STAU2: variants seen among roughly 807,000 people sequenced by gnomAD.
STAU2 encodes the protein staufen double-stranded RNA binding protein 2.
Under a neutral mutation model 65.9 loss-of-function variants are expected in STAU2, and 20 were observed. The observed-to-expected ratio is 0.30, with a 90% confidence interval of 0.21 to 0.44. STAU2 has a LOEUF of 0.44. Among genes scored for constraint, STAU2 ranks in the 20% least tolerant of loss-of-function variants. The pLI, the probability that STAU2 is intolerant of heterozygous loss-of-function variation, is 1.00. For missense variants in STAU2, 558 were observed against 683.9 expected (o/e 0.82, Z 2.05); for synonymous variants, 232 against 233.9 (o/e 0.99, Z 0.07).
At chr8:73,693,911 G>A (rs1054444293) in intron 4 of STAU2, among the ~76,000 whole-genome samples, 3 of 152,198 alleles carry the variant, frequency 2.0e-5, no homozygotes, top group Admixed American at 6.5e-5. Flanking sequence ...GAAAGTCAGA[G>A]ATTGTCAAAC....
At position 73,663,225 on chromosome 8, in the gene STAU2, G is replaced by A. The variant is rs186785334; in HGVS notation, c.410+9882C>T. Among the ~76,000 whole-genome samples, 478 of 152,286 alleles carry A rather than the reference G, an allele frequency of 3.1e-3. 2 individuals are homozygous for A. Among genetic ancestry groups the A allele is most frequent in the African/African-American group, 0.011 (450 of 41,554 alleles). On this transcript the variant is annotated intron_variant, in intron 6 of 14. Coordinates refer to ENST00000524300, the MANE Select transcript of STAU2 (RefSeq NM_001164380.2). ...AACACATAAGCAAGTGACTGTGGCTGTGTTCCAATGACACTTTACTGACAC... is the reference window on the plus strand; with the variant it reads ...AACACATAAGCAAGTGACTGTGGCTATGTTCCAATGACACTTTACTGACAC...
intron 13 of STAU2, among the ~76,000 whole-genome samples, chr8:73,507,033 T>TA (rs1253420746): frequency 6.6e-6 from 1 of 152,166 alleles, no homozygotes; most frequent in Non-Finnish European, 1.5e-5. Flanking sequence ...CACCAGTAGT[T>TA]ACTTCCCTCA....
chr8:73,639,786 G>GA (rs899123756), intron 6 of STAU2, among the ~76,000 whole-genome samples: 103 of 151,914 alleles, frequency 6.8e-4, no homozygotes, highest in Non-Finnish European at 3.5e-4. Flanking sequence ...ATTTGCAAAA[G>GA]AAAAAATTCA....
intron 5 of STAU2, among the ~76,000 whole-genome samples, chr8:73,684,168 T>C (rs1380963987): frequency 6.6e-6 from 1 of 152,014 alleles, no homozygotes; most frequent in Non-Finnish European, 1.5e-5. Context: ...CTAAGCATAA[T>C]GAGCAAATCT....
At chr8:73,479,985 G>T (rs1434427317) in intron 13 of STAU2, among the ~76,000 whole-genome samples, 1 of 151,948 alleles carries the variant, frequency 6.6e-6, no homozygotes, top group East Asian at 1.9e-4. Context: ...TCATCTAGAT[G>T]ACACCATCTA....
At position 73,658,934 on chromosome 8, in the gene STAU2, C is replaced by A. The variant is rs369500333; in HGVS notation, c.410+14173G>T. Reference sequence around the variant, plus strand: ...TCTCAAAAAACAACAACAACAACAACAAAAACAACAAAAAAAAAAAACCAA... The same window carrying A: ...TCTCAAAAAACAACAACAACAACAAAAAAAACAACAAAAAAAAAAAACCAA... On this transcript the variant is annotated intron_variant, in intron 6 of 14. Transcript: ENST00000524300. Among the ~76,000 whole-genome samples, 9 of 96,728 alleles carry A rather than the reference C, an allele frequency of 9.3e-5. 1 individual carries two copies. The highest frequency in any genetic ancestry group is 1.9e-4 in the Non-Finnish European group (7 of 37,016). The allele number at this position is 96,728 out of a possible 152,430, so 63.5% of individuals were successfully genotyped here. A position where few individuals can be genotyped will look rare whatever the true frequency, so the allele number is the denominator to read the frequency against.
intron 13 of STAU2, among the ~76,000 whole-genome samples, chr8:73,467,480 C>G (rs1018772677): frequency 1.3e-5 from 2 of 152,008 alleles, no homozygotes; most frequent in African/African-American, 2.4e-5. Context: ...TGCAGTGAGC[C>G]GAGATCGCGC....
At chr8:73,503,228 A>C (rs1432957207) in intron 13 of STAU2, among the ~76,000 whole-genome samples, 2 of 152,124 alleles carry the variant, frequency 1.3e-5, no homozygotes, top group Non-Finnish European at 1.5e-5. Context: ...TTTGGCATAA[A>C]ACATAAATGA....
intron 4 of STAU2, among the ~76,000 whole-genome samples, chr8:73,698,709 G>A (rs1819857890): frequency 6.6e-6 from 1 of 151,890 alleles, no homozygotes; most frequent in African/African-American, 2.4e-5. Flanking sequence ...ATAACAGCTG[G>A]AGACTTCAAC....
chr8:73,518,627 G>A (rs1402553999), intron 13 of STAU2, among the ~76,000 whole-genome samples: 6 of 152,128 alleles, frequency 3.9e-5, no homozygotes, highest in Non-Finnish European at 8.8e-5. Context: ...ATTTCAAAAT[G>A]TAAAAGCCAT....
At chr8:73,741,369 T>C (rs1233408979) in intron 1 of STAU2, among the ~76,000 whole-genome samples, 1 of 152,066 alleles carries the variant, frequency 6.6e-6, no homozygotes, top group African/African-American at 2.4e-5. Context: ...TTGTCTTTAT[T>C]AGTATACGTT....
chr8:73,698,278 A>T (rs575830864), intron 4 of STAU2, among the ~76,000 whole-genome samples: 1 of 152,142 alleles, frequency 6.6e-6, no homozygotes, highest in Non-Finnish European at 1.5e-5. Context: ...CAGAAAACAA[A>T]TAACAAAATG....
chr8:73,470,802 T>A (rs957319132), intron 13 of STAU2, among the ~76,000 whole-genome samples: 1 of 138,062 alleles, frequency 7.2e-6, no homozygotes, highest in African/African-American at 2.8e-5. Flanking sequence ...AGATCCTGCC[T>A]CTAAAAAAAA....
At chr8:73,693,789 G>A (rs1206183613) in intron 4 of STAU2, among the ~76,000 whole-genome samples, 1 of 152,222 alleles carries the variant, frequency 6.6e-6, no homozygotes. Flanking sequence ...ACACTGGGAA[G>A]TTAATTATTC....
chr8:73,626,303 C>G (rs1231026412), intron 6 of STAU2, among the ~76,000 whole-genome samples: 1 of 152,184 alleles, frequency 6.6e-6, no homozygotes, highest in African/African-American at 2.4e-5. Flanking sequence ...GCAGAAATAA[C>G]ATGTTGGTTG....
chr8:73,490,983 A>G (rs1821127694), intron 13 of STAU2, among the ~76,000 whole-genome samples: 1 of 152,128 alleles, frequency 6.6e-6, no homozygotes, highest in Admixed American at 6.6e-5. Context: ...CTGAAAAGAA[A>G]TTCATGGTAT....
At chr8:73,558,216 T>C (rs150685134) in intron 12 of STAU2, among the ~76,000 whole-genome samples, 2,566 of 152,246 alleles carry the variant, frequency 0.017, 48 homozygotes, top group South Asian at 0.057. Flanking sequence ...AGTAAGTAAA[T>C]GCCCGGGGTT....
intron 13 of STAU2, among the ~76,000 whole-genome samples, chr8:73,531,592 T>C (rs1184373398): frequency 6.6e-6 from 1 of 152,218 alleles, no homozygotes; most frequent in East Asian, 1.9e-4. Flanking sequence ...TTCAGGTATA[T>C]ATTTTCTTCC....
chr8:73,681,365 T>C (rs1217573218), intron 5 of STAU2, among the ~76,000 whole-genome samples: 1 of 152,184 alleles, frequency 6.6e-6, no homozygotes, highest in Non-Finnish European at 1.5e-5. Context: ...CCAGTGAAAC[T>C]AAGCTTCATT....
Sources: gnomAD v4.1 joint callset for allele counts (sites outside exome capture counted in the v4.1 genomes callset) on GRCh38, gnomAD v4.1.1 for gene constraint, MANE v1.5 for transcripts, NCBI Gene and HGNC (gene_info 2026-07-23, HGNC 2026-07-21) for gene names.